CHD1L: variants seen among roughly 807,000 people sequenced by gnomAD.
CHD1L encodes the protein chromodomain helicase DNA binding protein 1 like.
In CHD1L, 118 loss-of-function variants were observed where a neutral mutation model predicts 115.9. That is an observed-to-expected ratio of 1.02 (90% confidence interval 0.88 to 1.19). The LOEUF is 1.19. Among genes scored for constraint, CHD1L ranks in the 50% most tolerant of loss-of-function variants. The pLI is 0.00. For synonymous variants in CHD1L, 411 were observed against 387.1 expected, an observed-to-expected ratio of 1.06 and a Z score of -0.72; for missense variants, 1,179 against 1,065.3, an observed-to-expected ratio of 1.11 and a Z score of -1.49.
rs1458109974 is a variant in CHD1L at position 147,264,453 on chromosome 1, G to A, written c.608G>A (p.Gly203Glu). ...FSVVFSLLLT[G>E]TPIQNSLQEL... ...GTAGTCTTCAGTCTCCTGTTGACCGGAACTCCCATCCAGAACAGCCTCCAA... is the reference window on the plus strand; with the variant it reads ...GTAGTCTTCAGTCTCCTGTTGACCGAAACTCCCATCCAGAACAGCCTCCAA... The change falls in exon 7 of 23, where the codon GGA (glycine) becomes GAA (glutamate). Residue 203 changes from glycine (G) to glutamate (E), a missense_variant. Gly to Glu is a moderately conservative substitution (Grantham distance 98). Transcript: ENST00000369258. The A allele has an allele frequency of 5.0e-6, 8 of 1,612,706 alleles. No individual in the cohort carries two copies. The highest frequency in any genetic ancestry group is 5.9e-6 in the Non-Finnish European group (7 of 1,179,474).
At chr1:147,263,428 C>A (rs1340059388) in intron 6 of CHD1L, among the ~76,000 whole-genome samples, 377 of 124,372 alleles carry the variant, frequency 3.0e-3, no homozygotes, top group East Asian at 4.6e-3. Context: ...GACCCTGTCT[C>A]AAAAAAAAAA....
the CHD1L span, among the ~76,000 whole-genome samples, chr1:147,185,060 G>A: frequency 6.6e-6 from 1 of 152,028 alleles, no homozygotes; most frequent in Non-Finnish European, 1.5e-5. Flanking sequence ...ATGGTAAATT[G>A]ATGAATATTA....
chr1:147,242,518 T>G, upstream of CHD1L: 1 of 539,864 alleles, frequency 1.9e-6, no homozygotes, highest in Non-Finnish European at 2.8e-6. Flanking sequence ...CGCTCCGCAC[T>G]GCAAGAACTG....
chr1:147,179,166 G>C, the CHD1L span: 1 of 1,613,974 alleles, frequency 6.2e-7, no homozygotes, highest in African/African-American at 1.3e-5. Context: ...CTCTGGAGAG[G>C]TTCCTGCAGG....
At chr1:147,233,107 C>T in the CHD1L span, among the ~76,000 whole-genome samples, 27 of 151,676 alleles carry the variant, frequency 1.8e-4, no homozygotes, top group East Asian at 3.9e-3. Context: ...GCCTCTGCCC[C>T]GCCGCCCCAT....
the CHD1L span, among the ~76,000 whole-genome samples, chr1:147,237,563 C>T: frequency 0.016 from 2,381 of 152,286 alleles, 65 homozygotes; most frequent in African/African-American, 0.055. Context: ...GGAGGCAGGG[C>T]CTCCACCTGT....
intron 14 of CHD1L, among the ~76,000 whole-genome samples, chr1:147,278,723 T>C (rs587608158): frequency 7.3e-4 from 111 of 152,148 alleles, no homozygotes; most frequent in African/African-American, 2.6e-3. Flanking sequence ...CTGAGTGTTG[T>C]CTGAGGTGCT....
At chr1:147,211,893 G>A in the CHD1L span, among the ~76,000 whole-genome samples, 7 of 152,182 alleles carry the variant, frequency 4.6e-5, no homozygotes, top group Admixed American at 3.3e-4. Flanking sequence ...CATTGTCTTT[G>A]GGAAGATAAA....
chr1:147,211,179 T>C, the CHD1L span: 1 of 152,166 alleles, frequency 6.6e-6, no homozygotes, highest in East Asian at 1.9e-4. Context: ...CACACAGAAA[T>C]GCTTTGTTAT....
rs372855761 is a variant in CHD1L, at chr1:147,255,907, G to C, written c.442G>C (p.Val148Leu). ...QDLKQESRFH[V>L]LLTTYEICLK... ...CCTGAAACAGGAGTCACGTTTTCAT[G>C]TGCTACTGACTACCTATGAGGTATT... The change falls in exon 4 of 23, where the codon GTG (valine) becomes CTG (leucine). Residue 148 changes from valine (V) to leucine (L), a missense_variant. Transcript: ENST00000369258. 15 of 1,613,252 alleles carry C rather than the reference G, an allele frequency of 9.3e-6. No homozygotes were observed. The highest frequency in any genetic ancestry group is 1.2e-5 in the Non-Finnish European group (14 of 1,179,416).
chr1:147,213,325 G>C, the CHD1L span: 1 of 1,610,322 alleles, frequency 6.2e-7, no homozygotes, highest in Non-Finnish European at 8.5e-7. Flanking sequence ...GCTTTCCAGA[G>C]GTAGATGAGC....
the CHD1L span, among the ~76,000 whole-genome samples, chr1:147,212,127 A>G: frequency 6.6e-6 from 1 of 152,224 alleles, no homozygotes; most frequent in Admixed American, 6.5e-5. Context: ...ATGCCTGATT[A>G]GGATAATGAG....
chr1:147,217,103 G>T, the CHD1L span, among the ~76,000 whole-genome samples: 1 of 152,126 alleles, frequency 6.6e-6, no homozygotes, highest in Non-Finnish European at 1.5e-5. Context: ...AGCCGGGCGT[G>T]GTGGCGCATG....
intron 1 of CHD1L, among the ~76,000 whole-genome samples, chr1:147,249,404 A>ATTTTTTTTTTTTTTTTTTT (rs59773572): frequency 3.2e-5 from 3 of 94,174 alleles, no homozygotes; most frequent in Admixed American, 1.6e-4. Flanking sequence ...CTTGGTGTGT[A>ATTTTTTTTTTTTTTTTTTT]TTTTTTTTTT....
the CHD1L span, among the ~76,000 whole-genome samples, chr1:147,174,185 G>T: frequency 2.6e-5 from 4 of 151,816 alleles, no homozygotes; most frequent in African/African-American, 9.7e-5. Flanking sequence ...AAAAAAAAAG[G>T]TACGATTTTA....
chr1:147,254,919 C>G lies in CHD1L; in HGVS notation c.290C>G (p.Pro97Arg), dbSNP rs782712681. The change falls in exon 3 of 23, where the codon CCA becomes CGA. Residue 97 changes from proline (P) to arginine (R), a missense_variant. Transcript: ENST00000369258. ...YLAGRLNDEG[P>R]FLILCPLSVL... ...GCAGGAAGATTAAATGATGAAGGGC[C>G]ATTTCTGATTCTTTGTCCCTTGTCT... 12 of 1,611,416 alleles carry G rather than the reference C, an allele frequency of 7.4e-6. No homozygotes were observed. Among genetic ancestry groups the G allele is most frequent in the Admixed American group, 5.1e-5 (3 of 59,372 alleles).
chr1:147,270,534 T>G (rs1553952156), intron 10 of CHD1L, among the ~76,000 whole-genome samples: 1 of 149,536 alleles, frequency 6.7e-6, no homozygotes, highest in Non-Finnish European at 1.5e-5. Context: ...TTTTTTTGTG[T>G]GTGTATTTGA....
Position 147,276,130 on chromosome 1 carries a change from G to T in CHD1L, c.1412G>T (p.Gly471Val), listed in dbSNP as rs1678349050. The T allele has an allele frequency of 1.2e-6, 2 of 1,614,100 alleles. No individual in the cohort carries two copies. Among genetic ancestry groups the T allele is most frequent in the South Asian group, 1.1e-5 (1 of 91,082 alleles). ...TCTGTTAAAGTTATTCGGCTGATTG[G>T]TCGAGACACTGTGGAAGAAATAGTC... ...NKSVKVIRLI[G>V]RDTVEEIVYR... is the part of the protein sequence containing the mutation. Residue 471 changes from glycine (G) to valine (V), a missense_variant, in exon 14 of 23, where the codon GGT becomes GTT. By Grantham distance (109) the Gly-to-Val change is moderately radical. Transcript: ENST00000369258.
chr1:147,292,239 A>C (rs1190817625), intron 20 of CHD1L, among the ~76,000 whole-genome samples: 1 of 152,240 alleles, frequency 6.6e-6, no homozygotes, highest in South Asian at 2.1e-4. Context: ...TGACGGTTTC[A>C]TTTCTTACTA....
Sources: gnomAD v4.1 joint callset for allele counts (sites outside exome capture counted in the v4.1 genomes callset) on GRCh38, gnomAD v4.1.1 for gene constraint, MANE v1.5 for transcripts, NCBI Gene and HGNC (gene_info 2026-07-23, HGNC 2026-07-21) for gene names.